The following MITF variants were observed in gnomAD, a reference collection of about 807,000 sequenced individuals.
The protein encoded by MITF is microphthalmia-associated transcription factor.
A neutral mutation model predicts 60.5 loss-of-function variants in MITF; 17 were observed. The ratio of observed to expected loss-of-function variants is 0.28; its 90% CI spans 0.19 to 0.42. The LOEUF is 0.42. Ranked by LOEUF, MITF falls within the 10% of genes least tolerant of loss-of-function variation. MITF has a pLI of 1.00. For synonymous variants in MITF, 260 were observed against 248.5 expected, an observed-to-expected ratio of 1.05 and a Z score of -0.43; for missense variants, 622 against 683.5, an observed-to-expected ratio of 0.91 and a Z score of 1.00.
At chr3:69,878,232 G>A (rs1435700818) in intron 1 of MITF, among the ~76,000 whole-genome samples, 1 of 152,126 alleles carries the variant, frequency 6.6e-6, no homozygotes, top group African/African-American at 2.4e-5. Flanking sequence ...TTCTTTTCCG[G>A]ATACTAAGAC....
chr3:69,853,833 A>G (rs1449530161), intron 1 of MITF, among the ~76,000 whole-genome samples: 2 of 148,592 alleles, frequency 1.3e-5, no homozygotes, highest in Non-Finnish European at 3.0e-5. Context: ...TTGTGTTAAT[A>G]TTATTCCTCA....
intron 5 of MITF, among the ~76,000 whole-genome samples, chr3:69,943,450 T>A (rs1211344271): frequency 1.3e-5 from 2 of 152,130 alleles, no homozygotes; most frequent in Admixed American, 1.3e-4. Flanking sequence ...CTGTTATATA[T>A]ACCTATATTA....
intron 1 of MITF, among the ~76,000 whole-genome samples, chr3:69,753,538 T>A (rs1258885226): frequency 6.6e-6 from 1 of 152,154 alleles, no homozygotes; most frequent in Admixed American, 6.5e-5. Context: ...ACTCTCAGCC[T>A]GGAAAAGCCA....
intron 1 of MITF, among the ~76,000 whole-genome samples, chr3:69,846,297 A>G (rs2063733024): frequency 6.6e-6 from 1 of 152,196 alleles, no homozygotes; most frequent in Non-Finnish European, 1.5e-5. Flanking sequence ...ATTTAGTATT[A>G]GACATGACTT....
intron 1 of MITF, among the ~76,000 whole-genome samples, chr3:69,845,193 A>G (rs990906813): frequency 3.3e-5 from 5 of 151,192 alleles, no homozygotes; most frequent in Admixed American, 6.6e-5. Flanking sequence ...TCATCTTGGG[A>G]TGTTGTGTGC....
chr3:69,831,815 T>G (rs2063452244), intron 1 of MITF, among the ~76,000 whole-genome samples: 1 of 152,184 alleles, frequency 6.6e-6, no homozygotes, highest in South Asian at 2.1e-4. Flanking sequence ...ATCTGGGGGT[T>G]GTGTGCCTAA....
At chr3:69,765,241 A>G (rs975503906) in intron 1 of MITF, among the ~76,000 whole-genome samples, 5 of 152,220 alleles carry the variant, frequency 3.3e-5, no homozygotes, top group African/African-American at 9.6e-5. Flanking sequence ...GATTATTTCA[A>G]TGAGTTTTAG....
intron 2 of MITF, among the ~76,000 whole-genome samples, chr3:69,910,332 G>A (rs2107384168): frequency 6.6e-6 from 1 of 152,276 alleles, no homozygotes; most frequent in Non-Finnish European, 1.5e-5. Flanking sequence ...ATAGGGGTGG[G>A]GCCCTCATGG....
In MITF at chr3:69,967,121, T is replaced by C. The variant is rs912746460; in HGVS notation, c.*1873T>C. 9.5e-5 allele frequency: 22 copies of C among 232,744 alleles called. No individual in the cohort carries two copies. The highest frequency in any genetic ancestry group is 4.6e-4 in the African/African-American group (21 of 45,278). 14.4% of individuals were successfully genotyped at this position (232,744 alleles called of 1,614,324 possible). A position where few individuals can be genotyped will look rare whatever the true frequency, so the allele number is the denominator to read the frequency against. On this transcript the variant is annotated 3_prime_UTR_variant, in exon 10 of 10. Transcript: ENST00000352241. ...TGATGGAGGGTTCAGAGAGGAGTGA[T>C]CGTCAGATGTGTGAATGGACGGTTT...
At chr3:69,808,319 G>A (rs2063044045) in intron 1 of MITF, among the ~76,000 whole-genome samples, 1 of 151,840 alleles carries the variant, frequency 6.6e-6, no homozygotes, top group Non-Finnish European at 1.5e-5. Flanking sequence ...GTCAAGGGGG[G>A]CACTTTTAAG....
At chr3:69,913,016 A>G (rs1237799900) in intron 2 of MITF, among the ~76,000 whole-genome samples, 1 of 152,198 alleles carries the variant, frequency 6.6e-6, no homozygotes, top group Non-Finnish European at 1.5e-5. Context: ...TTGAAAAGAA[A>G]GATAGATCTA....
intron 1 of MITF, among the ~76,000 whole-genome samples, chr3:69,744,422 T>C (rs1559604421): frequency 6.6e-6 from 1 of 152,150 alleles, no homozygotes; most frequent in Non-Finnish European, 1.5e-5. Flanking sequence ...TCGATGTCTG[T>C]CCCTAACTAA....
intron 1 of MITF, among the ~76,000 whole-genome samples, chr3:69,821,917 AT>A (rs1315374427): frequency 6.6e-6 from 1 of 151,870 alleles, no homozygotes; most frequent in Non-Finnish European, 1.5e-5. Context: ...TAATTTCTGT[AT>A]TTTTAGTAGA....
intron 1 of MITF, among the ~76,000 whole-genome samples, chr3:69,793,645 A>T (rs915890684): frequency 5.7e-5 from 8 of 141,086 alleles, no homozygotes; most frequent in Non-Finnish European, 6.4e-5. Flanking sequence ...TAATGTATAT[A>T]AGGTATATAT....
intron 6 of MITF, among the ~76,000 whole-genome samples, chr3:69,949,506 G>A (rs2066188590): frequency 6.6e-6 from 1 of 151,994 alleles, no homozygotes; most frequent in African/African-American, 2.4e-5. Context: ...CACCCTACCT[G>A]ATATGTATGT....
At chr3:69,849,008 A>G (rs1307550606) in intron 1 of MITF, among the ~76,000 whole-genome samples, 1 of 116,900 alleles carries the variant, frequency 8.6e-6, no homozygotes, top group Admixed American at 1.2e-4. Flanking sequence ...TCTGTCGCCC[A>G]GGCTGGAGTG....
At chr3:69,922,249 G>GTC (rs1358701788) in intron 2 of MITF, among the ~76,000 whole-genome samples, 1 of 151,862 alleles carries the variant, frequency 6.6e-6, no homozygotes, top group Non-Finnish European at 1.5e-5. Flanking sequence ...TTCAGACGGA[G>GTC]TCTCACTCTG....
intron 1 of MITF, among the ~76,000 whole-genome samples, chr3:69,793,202 G>C (rs2062770719): frequency 6.6e-6 from 1 of 151,598 alleles, no homozygotes; most frequent in Non-Finnish European, 1.5e-5. Context: ...TTTTTGTAGA[G>C]ATGGGGTTTC....
chr3:69,763,523 G>T, intron 1 of MITF: 5 of 1,102,708 alleles, frequency 4.5e-6, no homozygotes, highest in South Asian at 3.4e-5. Flanking sequence ...AGCTCCTGCT[G>T]CCAAGGATCC....
Sources: gnomAD v4.1 joint callset for allele counts (sites outside exome capture counted in the v4.1 genomes callset) on GRCh38, gnomAD v4.1.1 for gene constraint, MANE v1.5 for transcripts, NCBI Gene and HGNC (gene_info 2026-07-23, HGNC 2026-07-21) for gene names.